Variants in HMOX1 observed in about 807,000 individuals in gnomAD.
HMOX1 encodes heme oxygenase 1.
Under a neutral mutation model 27.8 loss-of-function variants are expected in HMOX1, and 22 were observed. The observed-to-expected ratio is 0.79, with a 90% CI of 0.57 to 1.13. HMOX1 has a LOEUF of 1.13. Among genes scored for constraint, HMOX1 ranks in the 50% most tolerant of loss-of-function variants. The pLI is 0.00. For missense variants in HMOX1, 379 were observed against 377.7 expected (o/e 1.00, Z -0.03); for synonymous variants, 153 against 151.6 (o/e 1.01, Z -0.07).
intron 4 of HMOX1, among the ~76,000 whole-genome samples, chr22:35,390,853 C>A (rs915242964): frequency 3.3e-5 from 5 of 152,072 alleles, no homozygotes; most frequent in African/African-American, 1.2e-4. Context: ...GTGTGTGAGC[C>A]CCTCCCTCAT....
At chr22:35,390,152 C>A in intron 4 of HMOX1, 189 bp downstream of exon 4, 1 of 631,856 alleles carries the variant, frequency 1.6e-6, no homozygotes, top group East Asian at 2.8e-5. Context: ...TCTTGAACAC[C>A]TGACTTCAAG....
In HMOX1 at chr22:35,393,486, C is replaced by T. The variant is rs1465655693; in HGVS notation, c.755C>T (p.Thr252Ile). Residue 252 changes from threonine to isoleucine, a missense_variant, in exon 5 of 5, where the codon ACT becomes ATT. Transcript: ENST00000216117. Reference protein sequence around the residue: ...NKVQDSAPVETPRGKPPLNTR... With the variant: ...NKVQDSAPVEIPRGKPPLNTR... ...CTTTCAGATTCTGCCCCCGTGGAGA[C>T]TCCCAGAGGGAAGCCCCCACTCAAC... 2 of 1,614,118 alleles carry T rather than the reference C, an allele frequency of 1.2e-6. No homozygotes were observed. The highest frequency in any genetic ancestry group is 2.7e-5 in the African/African-American group (2 of 74,942).
intron 2 of HMOX1, among the ~76,000 whole-genome samples, chr22:35,384,481 T>A (rs1288787964): frequency 2.0e-5 from 3 of 151,814 alleles, no homozygotes; most frequent in African/African-American, 7.3e-5. Flanking sequence ...CCCTCTCCCT[T>A]AAAAAGATGA....
At chr22:35,385,451 T>TTTC (rs1005735727) in intron 2 of HMOX1, among the ~76,000 whole-genome samples, 2 of 150,732 alleles carry the variant, frequency 1.3e-5, no homozygotes, top group African/African-American at 4.9e-5. Flanking sequence ...TTTTTTTTTT[T>TTTC]CTGAGACAGG....
chr22:35,383,201 G>A lies in HMOX1; in HGVS notation c.119G>A (p.Gly40Asp). The A allele has an allele frequency of 6.2e-7, 1 of 1,613,820 alleles. No homozygotes were observed. The highest frequency in any genetic ancestry group is 8.5e-7 in the Non-Finnish European group (1 of 1,179,778). ...NAEFMRNFQKGQVTRDGFKLV... is the reference protein window; with the variant it reads ...NAEFMRNFQKDQVTRDGFKLV... ...GAGTTCATGAGGAACTTTCAGAAGG[G>A]CCAGGTGACCCGAGACGGCTTCAAG... The change falls in exon 2 of 5, where the codon GGC (glycine) becomes GAC (aspartate). Residue 40 changes from glycine (G) to aspartate (D), a missense_variant. Physicochemically the swap from Gly to Asp is moderately conservative, Grantham distance 94. Coordinates refer to ENST00000216117, the MANE Select transcript of HMOX1 (RefSeq NM_002133.3).
Position 35,393,659 on chromosome 22 carries a change from A to T in HMOX1, c.*61A>T. On this transcript the variant is annotated 3_prime_UTR_variant, in exon 5 of 5. Coordinates refer to ENST00000216117, the MANE Select transcript of HMOX1 (RefSeq NM_002133.3). ...GTCCGGTGGAAGGCCTTCTTTCTAG[A>T]GAGGGAATTCTCTTGGCTGGCTTCC... 6.2e-7 allele frequency: 1 copy of T among 1,607,890 alleles called. No individual in the cohort carries two copies. Among genetic ancestry groups the T allele is most frequent in the Non-Finnish European group, 8.5e-7 (1 of 1,174,806 alleles).
rs944783473 is a variant in HMOX1 at position 35,393,578 on chromosome 22, G to A, written c.847G>A (p.Val283Ile). 53 of 1,614,106 alleles carry A rather than the reference G, an allele frequency of 3.3e-5. No individual in the cohort carries two copies. The Admixed American group carries it at 8.8e-4, about 27-fold the overall frequency. The change falls in exon 5 of 5, where the codon GTA becomes ATA. Residue 283 changes from valine (V) to isoleucine (I), a missense_variant. Val to Ile is a conservative substitution (Grantham distance 29, BLOSUM62 3). Coordinates refer to ENST00000216117, the MANE Select transcript of HMOX1 (RefSeq NM_002133.3). Reference protein sequence around the residue: ...TLSFLVATVAVGLYAM With the variant: ...TLSFLVATVAIGLYAM ...CAGCTTTCTGGTGGCGACAGTTGCT[G>A]TAGGGCTTTATGCCATGTGAATGCA... is the stretch of plus-strand genomic sequence containing the variant.
chr22:35,389,644 A>G (rs949104613), intron 3 of HMOX1, among the ~76,000 whole-genome samples: 5 of 140,816 alleles, frequency 3.6e-5, no homozygotes, highest in East Asian at 4.1e-4. Context: ...GGGTTTCACT[A>G]TGTTGGCTAG....
At chr22:35,389,990 CCT>C in intron 4 of HMOX1, 27 bp downstream of exon 4, 4 of 1,478,110 alleles carry the variant, frequency 2.7e-6, no homozygotes, top group Non-Finnish European at 3.8e-6. Context: ...AGGGGCACTT[CCT>C]CTGGGCTACA....
At chr22:35,391,417 A>C (rs1931716300) in intron 4 of HMOX1, among the ~76,000 whole-genome samples, 1 of 151,384 alleles carries the variant, frequency 6.6e-6, no homozygotes, top group African/African-American at 2.4e-5. Flanking sequence ...CCTCCCGAGT[A>C]GCTGGGACTA....
rs758713757 is a variant in HMOX1 at position 35,393,820 on chromosome 22, C to T, written c.*222C>T. The T allele has an allele frequency of 8.7e-6, 5 of 572,472 alleles. No individual in the cohort carries two copies. Among genetic ancestry groups the T allele is most frequent in the East Asian group, 6.8e-5 (2 of 29,364 alleles). The allele number at this position is 572,472 out of a possible 1,614,324, so 35.5% of individuals were successfully genotyped here. On this transcript the variant is annotated 3_prime_UTR_variant, in exon 5 of 5. Coordinates refer to ENST00000216117, the MANE Select transcript of HMOX1 (RefSeq NM_002133.3). Reference sequence around the variant, plus strand: ...GCAATGGCCTAAACTTCAGAGGGGGCGAAGGGATCAGCCCTGCCCTTCAGC... The same window carrying T: ...GCAATGGCCTAAACTTCAGAGGGGGTGAAGGGATCAGCCCTGCCCTTCAGC...
At chr22:35,390,237 G>A (rs1244462728) in intron 4 of HMOX1, 1 of 464,580 alleles carries the variant, frequency 2.2e-6, no homozygotes, top group Non-Finnish European at 4.0e-6. Context: ...AATGTTTGTT[G>A]TTGTTGTTGT....
chr22:35,389,754 C>A (rs1931666140), intron 3 of HMOX1, 110 bp from the exon 4 acceptor site: 1 of 809,108 alleles, frequency 1.2e-6, no homozygotes, highest in Non-Finnish European at 2.1e-6. Context: ...ATTTTTCTTA[C>A]CATCTTGTTA....
At position 35,389,410 on chromosome 22, in the gene HMOX1, TTCTTTCTTTCTTTCTTTCTA is replaced by T. The variant is rs1466061820; in HGVS notation, c.637-434_637-415del. On this transcript the variant is annotated intron_variant, in intron 3 of 4. Transcript: ENST00000216117. Reference sequence around the variant, plus strand: ...TTCCTTCCTTCCTTTCTTTCTTTCTTTCTTTCTTTCTTTCTTTCTATCTTTCTTTCTTTCTTTCTTTTCTT... The same window carrying T: ...TTCCTTCCTTCCTTTCTTTCTTTCTTTCTTTCTTTCTTTCTTTCTTTTCTT... Among the ~76,000 whole-genome samples, 538 of 107,382 alleles carry T rather than the reference TTCTTTCTTTCTTTCTTTCTA, an allele frequency of 5.0e-3. 51 individuals are homozygous for T. The highest frequency in any genetic ancestry group is 0.017 in the African/African-American group (278 of 16,064). 70.4% of individuals were successfully genotyped at this position (107,382 alleles called of 152,430 possible).
chr22:35,382,847 G>A (rs1437368092), intron 1 of HMOX1, among the ~76,000 whole-genome samples: 6 of 146,724 alleles, frequency 4.1e-5, no homozygotes, highest in African/African-American at 7.6e-5. Flanking sequence ...TAGTAGAGAC[G>A]GGGTTTCACC....
At chr22:35,381,465 A>G in intron 1 of HMOX1, 1 of 535,584 alleles carries the variant, frequency 1.9e-6, no homozygotes, top group African/African-American at 2.0e-5. Flanking sequence ...TGAGGTAGCC[A>G]ATTTTTTTTT....
At position 35,389,379 on chromosome 22, in the gene HMOX1, CCTTCCTTCCTTCCTTCCTTTCTTT is replaced by C. The variant is rs1441566186; in HGVS notation, c.637-481_637-458del. 3.0e-4 allele frequency among the ~76,000 whole-genome samples: 19 copies of C among 63,052 alleles called. 1 individual carries two copies. The highest frequency in any genetic ancestry group is 3.9e-4 in the Non-Finnish European group (14 of 35,636). 41.4% of individuals were successfully genotyped at this position (63,052 alleles called of 152,430 possible). A position where few individuals can be genotyped will look rare whatever the true frequency, so the allele number is the denominator to read the frequency against. On this transcript the variant is annotated intron_variant, in intron 3 of 4. Transcript: ENST00000216117. ...TCCTTCCTTCCTTCCTTCCTTCCTT[CCTTCCTTCCTTCCTTCCTTTCTTT>C]CTTTCTTTCTTTCTTTCTTTCTTTC...
At position 35,383,107 on chromosome 22, in the gene HMOX1, A is replaced by T. The variant is rs768435104; in HGVS notation, c.25A>T (p.Met9Leu). Reference protein sequence around the residue: MERPQPDSMPQDLSEALKE... With the variant: MERPQPDSLPQDLSEALKE... ...TCACCTTTCCCATTTCCTCCTCAGC[A>T]TGCCCCAGGATTTGTCAGAGGCCCT... is the stretch of plus-strand genomic sequence containing the variant. The change falls in exon 2 of 5, where the codon ATG becomes TTG. Residue 9 changes from methionine to leucine, a missense_variant and splice_region_variant. Met to Leu is a conservative substitution (Grantham distance 15). Transcript: ENST00000216117. 1 of 1,613,546 alleles carries T rather than the reference A, an allele frequency of 6.2e-7. No homozygotes were observed. Among genetic ancestry groups the T allele is most frequent in the Non-Finnish European group, 8.5e-7 (1 of 1,179,626 alleles).
intron 4 of HMOX1, 157 bp downstream of exon 4, chr22:35,390,120 C>T: frequency 1.5e-6 from 1 of 687,700 alleles, no homozygotes; most frequent in South Asian, 1.6e-5. Context: ...AGGACAGGTT[C>T]TCGCTATATT....
Sources: gnomAD v4.1 joint callset for allele counts (sites outside exome capture counted in the v4.1 genomes callset) on GRCh38, gnomAD v4.1.1 for gene constraint, MANE v1.5 for transcripts, NCBI Gene and HGNC (gene_info 2026-07-23, HGNC 2026-07-21) for gene names.